Variants in SDC2 observed in about 807,000 individuals in gnomAD.
SDC2 encodes syndecan-2.
In SDC2, 13 loss-of-function variants were observed where a neutral mutation model predicts 22.2. That is an observed-to-expected ratio of 0.59 (90% CI 0.38 to 0.93). SDC2 has a LOEUF of 0.93. Ranked by LOEUF, SDC2 falls within the 40% of genes least tolerant of loss-of-function variation. The pLI is 0.00. For missense variants in SDC2, 235 were observed against 246.8 expected, an observed-to-expected ratio of 0.95 and a Z score of 0.32; for synonymous variants, 94 against 92.8, an observed-to-expected ratio of 1.01 and a Z score of -0.07.
At chr8:96,535,778 C>T (rs1813744998) in intron 1 of SDC2, among the ~76,000 whole-genome samples, 1 of 152,254 alleles carries the variant, frequency 6.6e-6, no homozygotes, top group South Asian at 2.1e-4. Flanking sequence ...GTCTTCCATA[C>T]CTAATTCACA....
chr8:96,529,486 G>T (rs1222000384), intron 1 of SDC2, among the ~76,000 whole-genome samples: 1 of 152,166 alleles, frequency 6.6e-6, no homozygotes. Context: ...ATGAGTACGA[G>T]TGACGGCTAT....
At chr8:96,586,472 CAGT>C (rs1249353871) in intron 1 of SDC2, 2 of 152,240 alleles carry the variant, frequency 1.3e-5, no homozygotes, top group Non-Finnish European at 2.9e-5. Context: ...CTCGCTTTCT[CAGT>C]GGTATAAGAA....
At chr8:96,519,526 CATA>C (rs1239336047) in intron 1 of SDC2, among the ~76,000 whole-genome samples, 1 of 151,876 alleles carries the variant, frequency 6.6e-6, no homozygotes, top group African/African-American at 2.4e-5. Context: ...GAGAACACAT[CATA>C]ATATCACATT....
chr8:96,527,319 T>A (rs1174248137), intron 1 of SDC2, among the ~76,000 whole-genome samples: 2 of 152,172 alleles, frequency 1.3e-5, no homozygotes, highest in African/African-American at 4.8e-5. Flanking sequence ...CTTTGTTCTA[T>A]CACCCCTGCC....
intron 2 of SDC2, among the ~76,000 whole-genome samples, chr8:96,595,634 T>C (rs16892175): frequency 0.087 from 13,237 of 152,228 alleles, 655 homozygotes; most frequent in East Asian, 0.22. Flanking sequence ...GTTAGTGGGG[T>C]GTACAGGTTG....
chr8:96,533,404 T>C (rs1255312736), intron 1 of SDC2, among the ~76,000 whole-genome samples: 2 of 152,222 alleles, frequency 1.3e-5, no homozygotes, highest in Non-Finnish European at 2.9e-5. Context: ...TTACAATCCC[T>C]GAGCTAGACA....
chr8:96,601,577 G>T lies in SDC2; in HGVS notation c.173-818G>T, dbSNP rs558232656. Among the ~76,000 whole-genome samples the T allele has an allele frequency of 3.4e-5, 5 of 145,614 alleles. No individual in the cohort carries two copies. In the East Asian group the frequency reaches 1.1e-3, roughly 31 times the overall value. On this transcript the variant is annotated intron_variant, in intron 2 of 4. Transcript: ENST00000302190. ...AATCACTTCAACCTGGAAGGCAGAGGTTGCAGTGAGCCCAGATTGTGCCAT... is the reference window on the plus strand; with the variant it reads ...AATCACTTCAACCTGGAAGGCAGAGTTTGCAGTGAGCCCAGATTGTGCCAT...
At chr8:96,561,144 CA>C (rs1374176825) in intron 1 of SDC2, among the ~76,000 whole-genome samples, 2 of 152,040 alleles carry the variant, frequency 1.3e-5, no homozygotes, top group African/African-American at 4.8e-5. Flanking sequence ...AAAAGAGAGA[CA>C]AAATAATTCT....
chr8:96,545,954 T>G (rs1237546621), intron 1 of SDC2, among the ~76,000 whole-genome samples: 2 of 152,210 alleles, frequency 1.3e-5, no homozygotes, highest in East Asian at 3.8e-4. Flanking sequence ...GGATGCTGCA[T>G]AATCCCCTGA....
intron 1 of SDC2, among the ~76,000 whole-genome samples, chr8:96,561,641 C>T (rs1814212496): frequency 6.6e-6 from 1 of 152,162 alleles, no homozygotes; most frequent in Non-Finnish European, 1.5e-5. Context: ...CAAAAATGTT[C>T]TTACCATGTC....
At chr8:96,502,851 G>A (rs140258092) in intron 1 of SDC2, among the ~76,000 whole-genome samples, 5 of 152,310 alleles carry the variant, frequency 3.3e-5, no homozygotes, top group East Asian at 1.9e-4. Context: ...ATGTCCATGC[G>A]TTGTGTCACA....
intron 1 of SDC2, among the ~76,000 whole-genome samples, chr8:96,501,088 C>G (rs1433731352): frequency 6.6e-6 from 1 of 151,714 alleles, no homozygotes; most frequent in African/African-American, 2.4e-5. Flanking sequence ...AAAAATGTCA[C>G]AAAGACTCAG....
intron 1 of SDC2, among the ~76,000 whole-genome samples, chr8:96,553,307 CTA>C (rs1213636321): frequency 2.6e-5 from 4 of 151,942 alleles, no homozygotes; most frequent in Non-Finnish European, 4.4e-5. Flanking sequence ...TATGCAGGCT[CTA>C]TGTGAAAATG....
chr8:96,528,387 G>A (rs1284775343), intron 1 of SDC2, among the ~76,000 whole-genome samples: 2 of 152,054 alleles, frequency 1.3e-5, no homozygotes, highest in Non-Finnish European at 1.5e-5. Context: ...ACAGAAAAAT[G>A]TCAAAAGAAA....
intron 1 of SDC2, among the ~76,000 whole-genome samples, chr8:96,567,213 T>A (rs981920493): frequency 5.3e-5 from 8 of 152,230 alleles, no homozygotes; most frequent in Non-Finnish European, 1.0e-4. Flanking sequence ...TTCATGCCAA[T>A]AACAGTTTCT....
At chr8:96,564,912 C>G (rs1172038468) in intron 1 of SDC2, among the ~76,000 whole-genome samples, 1 of 151,860 alleles carries the variant, frequency 6.6e-6, no homozygotes, top group Non-Finnish European at 1.5e-5. Flanking sequence ...TTTAGTCAAT[C>G]TCTGTACATT....
intron 1 of SDC2, among the ~76,000 whole-genome samples, chr8:96,529,458 T>G (rs114111083): frequency 0.022 from 3,337 of 152,330 alleles, 129 homozygotes; most frequent in African/African-American, 0.077. Context: ...TGTACCCATT[T>G]TTACATTTAA....
At chr8:96,596,740 A>G (rs902342110) in intron 2 of SDC2, among the ~76,000 whole-genome samples, 4 of 152,264 alleles carry the variant, frequency 2.6e-5, no homozygotes, top group Admixed American at 6.5e-5. Flanking sequence ...AATTGACGAT[A>G]AAAGAATTGG....
chr8:96,568,123 T>G (rs746202101), intron 1 of SDC2, among the ~76,000 whole-genome samples: 5 of 152,224 alleles, frequency 3.3e-5, no homozygotes, highest in Non-Finnish European at 7.3e-5. Flanking sequence ...TTCTTTGCCT[T>G]CTGTTACAAA....
Sources: gnomAD v4.1 joint callset for allele counts (sites outside exome capture counted in the v4.1 genomes callset) on GRCh38, gnomAD v4.1.1 for gene constraint, MANE v1.5 for transcripts, NCBI Gene and HGNC (gene_info 2026-07-23, HGNC 2026-07-21) for gene names.